The following ADAM23 variants were observed in gnomAD, a reference collection of about 807,000 sequenced individuals.
The protein encoded by ADAM23 is disintegrin and metalloproteinase domain-containing protein 23.
Under a neutral mutation model 120.1 loss-of-function variants are expected in ADAM23, and 33 were observed. The observed-to-expected ratio is 0.27, with a 90% CI of 0.21 to 0.37. ADAM23 has a LOEUF of 0.37. Ranked by LOEUF, ADAM23 falls within the 10% of genes least tolerant of loss-of-function variation. The probability of loss-of-function intolerance (pLI) is 1.00; values close to 1 mark genes in which losing one functional copy is unlikely to be tolerated. For missense variants in ADAM23, 862 were observed against 1,058.2 expected, an observed-to-expected ratio of 0.81 and a Z score of 2.57; for synonymous variants, 367 against 375.2, an observed-to-expected ratio of 0.98 and a Z score of 0.25.
rs905026840 is a variant in ADAM23 at position 206,617,746 on chromosome 2, G to A, written c.*119G>A. On this transcript the variant is annotated 3_prime_UTR_variant, in exon 26 of 26. Transcript: ENST00000264377. ...AAAACCTTTGGGTGGTAATGACTAC[G>A]GAGCTAAAGTTGGGGTGACAAGGAT... is the stretch of plus-strand genomic sequence containing the variant. 5 of 1,515,504 alleles carry A rather than the reference G, an allele frequency of 3.3e-6. No individual in the cohort carries two copies. The African/African-American group carries it at 5.5e-5, about 17-fold the overall frequency. 93.9% of individuals were successfully genotyped at this position (1,515,504 alleles called of 1,614,324 possible).
intron 2 of ADAM23, among the ~76,000 whole-genome samples, chr2:206,454,563 C>T (rs768430292): frequency 6.6e-6 from 1 of 152,208 alleles, no homozygotes; most frequent in Non-Finnish European, 1.5e-5. Flanking sequence ...TTAACTCATT[C>T]CAGTGTTAAC....
intron 18 of ADAM23, among the ~76,000 whole-genome samples, chr2:206,581,477 T>C (rs1698217913): frequency 6.6e-6 from 1 of 152,238 alleles, no homozygotes; most frequent in African/African-American, 2.4e-5. Context: ...GTTTTGTTTT[T>C]GACCCAATGC....
intron 3 of ADAM23, among the ~76,000 whole-genome samples, chr2:206,503,549 A>T (rs2105895160): frequency 6.6e-6 from 1 of 152,180 alleles, no homozygotes; most frequent in African/African-American, 2.4e-5. Context: ...CACTGGGGGG[A>T]AATCGTGAGA....
At chr2:206,571,644 G>A in intron 16 of ADAM23, 83 bp from the exon 17 acceptor site, 3 of 913,764 alleles carry the variant, frequency 3.3e-6, no homozygotes, top group Non-Finnish European at 5.4e-6. Flanking sequence ...TTCTCATTTG[G>A]AATATGCATG....
At position 206,619,875 on chromosome 2, in the gene ADAM23, CAG is replaced by C. The variant is rs1318494848; in HGVS notation, c.*2249_*2250del. 3 of 152,192 alleles carry C rather than the reference CAG, an allele frequency of 2.0e-5. No individual in the cohort carries two copies. Among genetic ancestry groups the C allele is most frequent in the African/African-American group, 2.4e-5 (1 of 41,440 alleles). 9.4% of individuals were successfully genotyped at this position (152,192 alleles called of 1,614,324 possible). A position where few individuals can be genotyped will look rare whatever the true frequency, so the allele number is the denominator to read the frequency against. On this transcript the variant is annotated 3_prime_UTR_variant, in exon 26 of 26. Coordinates refer to ENST00000264377, the MANE Select transcript of ADAM23 (RefSeq NM_003812.4). ...TAGGTGTACGTTTATTTTGTAATAA[CAG>C]GGCTATCTACAAGGCCTCTCAGCCT... is the stretch of plus-strand genomic sequence containing the variant.
chr2:206,606,080 A>G (rs1055598313), intron 24 of ADAM23, among the ~76,000 whole-genome samples: 1 of 152,246 alleles, frequency 6.6e-6, no homozygotes, highest in Admixed American at 6.5e-5. Flanking sequence ...AATGTGGGGC[A>G]TAACATAACA....
chr2:206,487,232 AT>A (rs1311543653), intron 3 of ADAM23, among the ~76,000 whole-genome samples: 1 of 152,206 alleles, frequency 6.6e-6, no homozygotes, highest in Non-Finnish European at 1.5e-5. Context: ...GAGAAGAGGC[AT>A]TGATCTCATG....
chr2:206,526,671 A>G (rs1696953846), intron 3 of ADAM23, among the ~76,000 whole-genome samples: 1 of 152,174 alleles, frequency 6.6e-6, no homozygotes, highest in Non-Finnish European at 1.5e-5. Flanking sequence ...GCCCTAACCT[A>G]ACTGCAGCAG....
At chr2:206,492,449 A>G (rs1696154714) in intron 3 of ADAM23, among the ~76,000 whole-genome samples, 1 of 152,176 alleles carries the variant, frequency 6.6e-6, no homozygotes, top group African/African-American at 2.4e-5. Context: ...GAGAGTTGAG[A>G]CATTATCTAA....
intron 14 of ADAM23, 62 bp downstream of exon 14, chr2:206,565,130 A>G (rs1697852240): frequency 2.7e-6 from 4 of 1,491,162 alleles, no homozygotes; most frequent in Admixed American, 1.7e-5. Flanking sequence ...GTGTAGAGTT[A>G]GAAACAAGGT....
chr2:206,544,606 G>T (rs963854247), intron 6 of ADAM23, among the ~76,000 whole-genome samples: 2 of 124,314 alleles, frequency 1.6e-5, no homozygotes, highest in Middle Eastern at 4.0e-3. Context: ...GGAGAGTGGA[G>T]AGTTAAATTT....
At chr2:206,594,285 A>G (rs1364300862) in intron 22 of ADAM23, among the ~76,000 whole-genome samples, 1 of 152,168 alleles carries the variant, frequency 6.6e-6, no homozygotes, top group East Asian at 1.9e-4. Flanking sequence ...TCAATTATGG[A>G]TAATCAGATC....
intron 9 of ADAM23, 108 bp downstream of exon 9, chr2:206,550,268 C>G: frequency 1.8e-6 from 1 of 559,208 alleles, no homozygotes; most frequent in Non-Finnish European, 2.9e-6. Flanking sequence ...CCAAGATATT[C>G]AGACATATTA....
intron 3 of ADAM23, among the ~76,000 whole-genome samples, chr2:206,508,123 A>G (rs1042750996): frequency 8.6e-5 from 13 of 151,930 alleles, no homozygotes; most frequent in Admixed American, 2.6e-4. Flanking sequence ...CCCACCTCCC[A>G]GGTTCACGCC....
intron 2 of ADAM23, among the ~76,000 whole-genome samples, chr2:206,449,657 C>T (rs980209805): frequency 6.6e-6 from 1 of 152,234 alleles, no homozygotes; most frequent in African/African-American, 2.4e-5. Flanking sequence ...GTAATCCCAG[C>T]TACTCGGGAG....
chr2:206,572,172 T>A (rs2105831747), intron 17 of ADAM23, among the ~76,000 whole-genome samples: 1 of 152,298 alleles, frequency 6.6e-6, no homozygotes, highest in South Asian at 2.1e-4. Flanking sequence ...ACATTTTTCT[T>A]CAAAACTTAC....
intron 4 of ADAM23, among the ~76,000 whole-genome samples, chr2:206,538,219 A>G (rs1697220260): frequency 6.6e-6 from 1 of 152,206 alleles, no homozygotes; most frequent in African/African-American, 2.4e-5. Context: ...TAAATTATTT[A>G]ATAATTTGTG....
chr2:206,546,122 GT>G (rs1367765753), intron 6 of ADAM23, among the ~76,000 whole-genome samples: 1 of 152,138 alleles, frequency 6.6e-6, no homozygotes, highest in East Asian at 1.9e-4. Flanking sequence ...GGGCCTGATT[GT>G]TACATGCAAA....
At chr2:206,513,454 AT>A (rs1337476972) in intron 3 of ADAM23, among the ~76,000 whole-genome samples, 14 of 152,188 alleles carry the variant, frequency 9.2e-5, no homozygotes, top group African/African-American at 2.4e-4. Flanking sequence ...TCTCCCCTCA[AT>A]TTTATGAAGA....
Sources: allele counts gnomAD v4.1 joint callset (sites outside exome capture counted in the v4.1 genomes callset), GRCh38; gene constraint gnomAD v4.1.1; transcripts MANE v1.5; gene names NCBI Gene and HGNC (gene_info 2026-07-23, HGNC 2026-07-21).